The following CDK11B variants were observed in gnomAD, a reference collection of about 807,000 sequenced individuals.
CDK11B encodes cyclin-dependent kinase 11B.
A neutral mutation model predicts 84.0 loss-of-function variants in CDK11B; 37 were observed. The observed-to-expected ratio is 0.44, with a 90% CI of 0.34 to 0.58. CDK11B has a LOEUF of 0.58. CDK11B is among the 20% of genes least tolerant of loss of function. The pLI is 0.02. For missense variants in CDK11B, 427 were observed against 834.0 expected, an observed-to-expected ratio of 0.51 and a Z score of 6.01; for synonymous variants, 269 against 309.8, an observed-to-expected ratio of 0.87 and a Z score of 1.38.
At position 1,636,387 on chromosome 1, in the gene CDK11B, A is replaced by G. The variant is rs1639288726; in HGVS notation, c.2012T>C (p.Leu671Pro). ...GAGCAGAGCCCCGAAGCGCTTGCGG[A>G]GGTTGTTGTAGGGGTGCTCGCTGAA... is the stretch of plus-strand genomic sequence containing the variant. ...MTFSEHPYNN[L>P]RKRFGALLSD... is the part of the protein sequence containing the mutation. The change falls in exon 18 of 20, where the codon CTC (leucine) becomes CCC (proline). Residue 671 changes from leucine to proline, a missense_variant. This residue lies in a region of CDK11B where 170 missense variants were observed against 196.0 expected (regional missense o/e 0.87). Coordinates refer to ENST00000341832, the MANE Select transcript of CDK11B (RefSeq NM_033486.3). The G allele has an allele frequency of 1.2e-6, 2 of 1,608,082 alleles. No individual in the cohort carries two copies. The highest frequency in any genetic ancestry group is 1.3e-5 in the African/African-American group (1 of 74,894).
chr1:1,643,353 AAAC>A lies in CDK11B; in HGVS notation c.632-848_632-846del, dbSNP rs377124696. 1.1e-3 allele frequency among the ~76,000 whole-genome samples: 158 copies of A among 146,834 alleles called. No homozygotes were observed. The East Asian group carries it at 0.028, about 26-fold the overall frequency. On this transcript the variant is annotated intron_variant, in intron 6 of 19. Coordinates refer to ENST00000341832, the MANE Select transcript of CDK11B (RefSeq NM_033486.3). The stretch of plus-strand genomic sequence containing the variant: ...CCACAGACACAGCCCAGCACAACCA[AAAC>A]AACAAGTGCACACCCTTGAGTGGGG...
At position 1,652,463 on chromosome 1, in the gene CDK11B, G is replaced by T; in HGVS notation, c.331C>A (p.His111Asn). 6.7e-7 allele frequency: 1 copy of T among 1,503,566 alleles called. No homozygotes were observed. The highest frequency in any genetic ancestry group is 2.6e-5 in the East Asian group (1 of 38,042). The allele number at this position is 1,503,566 out of a possible 1,614,324, so 93.1% of individuals were successfully genotyped here. Residue 111 changes from histidine (H) to asparagine (N), a missense_variant, in exon 4 of 20, where the codon CAT becomes AAT. Transcript: ENST00000341832. ...CCCCCTTCTGCTGAATGGCTACGAT[G>T]CCTACGTTTCTCTTTTCTCTTTTCA... ...KDEKRKEKRR[H>N]RSHSAEGGKH...
chr1:1,648,442 G>A (rs1216669565), intron 5 of CDK11B, among the ~76,000 whole-genome samples: 3 of 151,938 alleles, frequency 2.0e-5, no homozygotes, highest in East Asian at 1.9e-4. Flanking sequence ...CACACCCTTC[G>A]GCATCAACAA....
intron 1 of CDK11B, among the ~76,000 whole-genome samples, chr1:1,658,548 T>A (rs1156411272): frequency 2.1e-5 from 3 of 144,592 alleles, no homozygotes; most frequent in African/African-American, 2.6e-5. Flanking sequence ...ACTGTCAGAA[T>A]CTGCTAGAAA....
rs576705294 is a variant in CDK11B, at chr1:1,641,150, C to T, written c.1010-37G>A. On this transcript the variant is annotated intron_variant, in intron 9 of 19. Coordinates refer to ENST00000341832, the MANE Select transcript of CDK11B (RefSeq NM_033486.3). ...AGGAGGCGTCTGCTCAGACCAGCACCGGGGCGAGTGCTGCCACAGGCAGGA... is the reference window on the plus strand; with the variant it reads ...AGGAGGCGTCTGCTCAGACCAGCACTGGGGCGAGTGCTGCCACAGGCAGGA... 8.5e-5 allele frequency: 125 copies of T among 1,478,738 alleles called. 2 individuals carry two copies. Among genetic ancestry groups the T allele is most frequent in the Admixed American group, 9.8e-5 (4 of 40,682 alleles). 91.6% of individuals were successfully genotyped at this position (1,478,738 alleles called of 1,614,324 possible).
chr1:1,652,975 G>A (rs1239836232), intron 3 of CDK11B, among the ~76,000 whole-genome samples: 4 of 151,700 alleles, frequency 2.6e-5, no homozygotes, highest in South Asian at 2.1e-4. Context: ...CGCCCACCTC[G>A]GTCTCCCAAA....
chr1:1,639,531 C>T (rs939926250), intron 11 of CDK11B, among the ~76,000 whole-genome samples: 1 of 151,926 alleles, frequency 6.6e-6, no homozygotes, highest in African/African-American at 2.4e-5. Context: ...TGCCCCATGC[C>T]AGGGCACCTA....
At chr1:1,648,545 C>A (rs1641470742) in intron 5 of CDK11B, among the ~76,000 whole-genome samples, 1 of 149,456 alleles carries the variant, frequency 6.7e-6, no homozygotes, top group African/African-American at 2.5e-5. Flanking sequence ...CTCCTCTCTT[C>A]CTGGAGCAGC....
At position 1,640,355 on chromosome 1, in the gene CDK11B, G is replaced by A. The variant is rs749587191; in HGVS notation, c.1173C>T (p.Gly391=). The change falls in exon 11 of 20, where the codon GGC becomes GGT. Residue 391 remains glycine (G), a synonymous_variant. Transcript: ENST00000341832. ...GGGCAGGGGAGTCGGGCACATAGTCGCCCTCTGTCAGGGCGCTGCTCTGCG... is the reference window on the plus strand; with the variant it reads ...GGGCAGGGGAGTCGGGCACATAGTCACCCTCTGTCAGGGCGCTGCTCTGCG... ...GTPQSSALTE[G]DYVPDSPALS... is the part of the protein sequence containing the mutation. 7 of 1,613,714 alleles carry A rather than the reference G, an allele frequency of 4.3e-6. No homozygotes were observed. The highest frequency in any genetic ancestry group is 1.3e-5 in the African/African-American group (1 of 75,058).
In CDK11B at chr1:1,636,673, C is replaced by G. The variant is rs74047814; in HGVS notation, c.1917+9G>C. ...CCCCACAGCGCACCTGCAGCAGGGC[C>G]AGACCCACCTTGAACACCTTGTTGA... On this transcript the variant is annotated intron_variant, in intron 17 of 19. Coordinates refer to ENST00000341832, the MANE Select transcript of CDK11B (RefSeq NM_033486.3). The G allele has an allele frequency of 1.1e-5, 18 of 1,613,798 alleles. No homozygotes were observed. The highest frequency in any genetic ancestry group is 1.4e-5 in the Non-Finnish European group (16 of 1,179,824).
intron 5 of CDK11B, among the ~76,000 whole-genome samples, chr1:1,648,638 A>G (rs574516168): frequency 1.1e-3 from 162 of 152,260 alleles, no homozygotes; most frequent in African/African-American, 3.5e-3. Context: ...TGGTTCACGG[A>G]ACAGATCTGG....
chr1:1,648,917 AGCCACCGCGCC>A (rs1210517006), intron 5 of CDK11B, among the ~76,000 whole-genome samples: 5 of 152,050 alleles, frequency 3.3e-5, no homozygotes, highest in Non-Finnish European at 7.4e-5. Flanking sequence ...TACAGGCATG[AGCCACCGCGCC>A]CGGCCGGACA....
At chr1:1,652,410 G>A in intron 4 of CDK11B, 29 bp downstream of exon 4, 2 of 1,478,758 alleles carry the variant, frequency 1.4e-6, no homozygotes, top group South Asian at 1.4e-5. Flanking sequence ...ACTTGAACAT[G>A]ATGTCAAAGA....
intron 4 of CDK11B, among the ~76,000 whole-genome samples, chr1:1,652,002 G>A (rs1316993265): frequency 6.6e-6 from 1 of 151,246 alleles, no homozygotes; most frequent in African/African-American, 2.4e-5. Context: ...ACACACGCGT[G>A]CTTTCAGCTA....
Position 1,636,925 on chromosome 1 carries a change from C to T in CDK11B, c.1772G>A (p.Arg591His), listed in dbSNP as rs542159780. ...GGCACCAAGCAGCAGCTCTGGGGCG[C>T]GGTACCACAGGGTCACCACGACCGG... ...YTPVVVTLWY[R>H]APELLLGAKE... The change falls in exon 16 of 20, where the codon CGC (arginine) becomes CAC (histidine). Residue 591 changes from arginine to histidine, a missense_variant. By Grantham distance (29) the Arg-to-His change is conservative. Around this residue, in one of 12 missense-constraint regions of CDK11B, gnomAD observed 170 missense variants for 196.0 expected, o/e 0.87. Transcript: ENST00000341832. The T allele has an allele frequency of 1.9e-5, 30 of 1,606,158 alleles. No homozygotes were observed. The highest frequency in any genetic ancestry group is 2.2e-5 in the East Asian group (1 of 44,754).
intron 9 of CDK11B, among the ~76,000 whole-genome samples, 194 bp from the exon 10 acceptor site, chr1:1,641,307 G>A (rs1480979700): frequency 1.4e-5 from 2 of 147,184 alleles, no homozygotes; most frequent in African/African-American, 4.9e-5. Flanking sequence ...TCAGGAGTTC[G>A]AGACCATCCT....
intron 3 of CDK11B, among the ~76,000 whole-genome samples, chr1:1,654,991 T>G (rs1201011084): frequency 1.3e-5 from 2 of 152,130 alleles, no homozygotes; most frequent in African/African-American, 4.8e-5. Flanking sequence ...TTCACCATGT[T>G]GGCTAGACTG....
chr1:1,652,407 C>T (rs1266580049), intron 4 of CDK11B, 32 bp downstream of exon 4: 69 of 1,477,864 alleles, frequency 4.7e-5, no homozygotes, highest in Non-Finnish European at 6.0e-5. Flanking sequence ...CACACTTGAA[C>T]ATGATGTCAA....
intron 9 of CDK11B, 24 bp from the exon 10 acceptor site, chr1:1,641,137 C>T (rs1297127033): frequency 6.5e-7 from 1 of 1,537,860 alleles, no homozygotes. Context: ...GAGGCGTCTG[C>T]TCAGACCAGC....
Sources: gnomAD v4.1 joint callset for allele counts (sites outside exome capture counted in the v4.1 genomes callset) on GRCh38, gnomAD v4.1.1 for gene constraint, gnomAD v4.1.1 regional missense constraint, MANE v1.5 for transcripts, NCBI Gene and HGNC (gene_info 2026-07-23, HGNC 2026-07-21) for gene names.